ARID5B: variants seen among roughly 807,000 people sequenced by gnomAD.
The protein encoded by ARID5B is AT-rich interactive domain-containing protein 5B.
ARID5B carries 13 observed loss-of-function variants against 97.2 expected under a neutral mutation model. That is an observed-to-expected ratio of 0.13 (90% CI 0.09 to 0.21). The LOEUF (loss-of-function observed/expected upper bound fraction) is 0.21. Among genes scored for constraint, ARID5B ranks in the 10% least tolerant of loss-of-function variants. The pLI, the probability that ARID5B is intolerant of heterozygous loss-of-function variation, is 1.00. For missense variants in ARID5B, 1,210 were observed against 1,465.3 expected (o/e 0.83, Z 2.84); for synonymous variants, 556 against 570.3 (o/e 0.97, Z 0.36).
At chr10:61,905,816 G>A (rs1381459931) in intron 2 of ARID5B, among the ~76,000 whole-genome samples, 1 of 152,070 alleles carries the variant, frequency 6.6e-6, no homozygotes, top group Non-Finnish European at 1.5e-5. Context: ...TCTAATCAGT[G>A]GTATATAATG....
In ARID5B at chr10:61,980,645, G is replaced by A. The variant is rs142736409; in HGVS notation, c.503-19446G>A. On this transcript the variant is annotated intron_variant, in intron 3 of 9. Transcript: ENST00000279873. ...TAGCTGCTGATCTCATAAATTCATC[G>A]AGCTTCCTGGTTCCAAAGCCCTCTC... Among the ~76,000 whole-genome samples, 7 of 152,150 alleles carry A rather than the reference G, an allele frequency of 4.6e-5. No homozygotes were observed. In the East Asian group the frequency reaches 7.7e-4, roughly 17 times the overall value.
At chr10:61,910,654 G>A (rs571463320) in intron 2 of ARID5B, among the ~76,000 whole-genome samples, 2 of 152,262 alleles carry the variant, frequency 1.3e-5, no homozygotes, top group Admixed American at 6.5e-5. Flanking sequence ...CATCAGTATC[G>A]ACAACACATT....
chr10:61,977,700 G>A lies in ARID5B; in HGVS notation c.503-22391G>A, dbSNP rs187710867. Among the ~76,000 whole-genome samples, 1,161 of 152,158 alleles carry A rather than the reference G, an allele frequency of 7.6e-3. 15 individuals carry two copies. Among genetic ancestry groups the A allele is most frequent in the Admixed American group, 0.012 (187 of 15,286 alleles). On this transcript the variant is annotated intron_variant, in intron 3 of 9. Coordinates refer to ENST00000279873, the MANE Select transcript of ARID5B (RefSeq NM_032199.3). ...CATATCCTTTGCCCACTTTTTGATG[G>A]GGTTGTTTGTTTTTTTCCTTGTAAA... is the stretch of plus-strand genomic sequence containing the variant.
rs1301012968 is a variant in ARID5B at position 61,902,505 on chromosome 10, C to T, written c.276+92C>T. The T allele has an allele frequency of 9.3e-6, 14 of 1,504,602 alleles. No homozygotes were observed. The Admixed American group carries it at 2.9e-4, about 32-fold the overall frequency. The allele number at this position is 1,504,602 out of a possible 1,614,324, so 93.2% of individuals were successfully genotyped here. ...GGCAAGCTTGAAAATACTGTATTCA[C>T]TTCTGCAGGCAAGCAGGATCGACTC... On this transcript the variant is annotated intron_variant, in intron 2 of 9. Transcript: ENST00000279873.
chr10:61,911,649 G>A (rs574687929), intron 2 of ARID5B, among the ~76,000 whole-genome samples: 2 of 152,082 alleles, frequency 1.3e-5, no homozygotes, highest in Non-Finnish European at 2.9e-5. Context: ...CTGCACGAGC[G>A]GCACCCAGTT....
rs191618448 is a variant in ARID5B, at chr10:61,957,301, C to G, written c.502+16893C>G. 1.0e-3 allele frequency among the ~76,000 whole-genome samples: 153 copies of G among 152,234 alleles called. 1 individual carries two copies. The highest frequency in any genetic ancestry group is 3.3e-3 in the African/African-American group (138 of 41,526). On this transcript the variant is annotated intron_variant, in intron 3 of 9. Coordinates refer to ENST00000279873, the MANE Select transcript of ARID5B (RefSeq NM_032199.3). ...TTGTTGTTGTTGAGACGGAGTTTCT[C>G]TCTGTCGCCCAGGCTGGAGTGCAGT...
At chr10:61,976,402 GGTAAA>G (rs1446887793) in intron 3 of ARID5B, among the ~76,000 whole-genome samples, 4 of 152,156 alleles carry the variant, frequency 2.6e-5, no homozygotes, top group African/African-American at 7.2e-5. Context: ...CAGTTTGGAA[GGTAAA>G]GTGGGGTATT....
intron 8 of ARID5B, among the ~76,000 whole-genome samples, chr10:62,081,138 T>A (rs1035417237): frequency 6.6e-6 from 1 of 152,216 alleles, no homozygotes; most frequent in African/African-American, 2.4e-5. Flanking sequence ...GCACCAATGT[T>A]ATTTCCCTCT....
intron 2 of ARID5B, among the ~76,000 whole-genome samples, chr10:61,920,820 A>G (rs1024261750): frequency 7.2e-5 from 11 of 152,202 alleles, no homozygotes; most frequent in Admixed American, 1.3e-4. Context: ...GGATGAATAA[A>G]ATCAGCTTCT....
intron 7 of ARID5B, among the ~76,000 whole-genome samples, chr10:62,059,563 C>A (rs1839897270): frequency 6.6e-6 from 1 of 152,114 alleles, no homozygotes; most frequent in African/African-American, 2.4e-5. Context: ...TAATTTTTTC[C>A]CATGTTGAGA....
At chr10:62,031,489 G>T (rs1407362496) in intron 4 of ARID5B, among the ~76,000 whole-genome samples, 1 of 152,192 alleles carries the variant, frequency 6.6e-6, no homozygotes, top group Non-Finnish European at 1.5e-5. Context: ...TTGGGATTTT[G>T]CAGCTTTTGG....
intron 4 of ARID5B, among the ~76,000 whole-genome samples, chr10:62,008,107 T>G (rs950427444): frequency 8.8e-6 from 1 of 113,248 alleles, no homozygotes; most frequent in Admixed American, 1.3e-4. Flanking sequence ...CACTGCCACA[T>G]AAGCTCTTTG....
chr10:62,080,559 T>G (rs1717791460), intron 8 of ARID5B, among the ~76,000 whole-genome samples: 1 of 152,246 alleles, frequency 6.6e-6, no homozygotes, highest in Non-Finnish European at 1.5e-5. Flanking sequence ...GTACCTCATC[T>G]TCAGAAAGGA....
Position 62,018,194 on chromosome 10 carries a change from G to T in ARID5B, c.733+17873G>T, listed in dbSNP as rs533722272. 3.3e-4 allele frequency among the ~76,000 whole-genome samples: 50 copies of T among 152,248 alleles called. No individual in the cohort carries two copies. In the South Asian group the frequency reaches 9.3e-3, roughly 28 times the overall value. ...AGATTATCTAAGTCCCTGACTTCCT[G>T]GGCAGACCTCCTCTCCCTTCGTTTG... On this transcript the variant is annotated intron_variant, in intron 4 of 9. Transcript: ENST00000279873.
rs1292619066 is a variant in ARID5B, at chr10:62,092,685, C to T, written c.3222C>T (p.Ser1074=). Residue 1074 remains serine (S), a synonymous_variant, in exon 10 of 10, where the codon TCC becomes TCT. Coordinates refer to ENST00000279873, the MANE Select transcript of ARID5B (RefSeq NM_032199.3). ...CAGAAGGCCACAAGCTTCCCCTCTC[C>T]TCCCCTATCTTCCCAGGTCTGTATT... ...GGSEGHKLPL[S]SPIFPGLYSG... is the part of the protein sequence containing the mutation. 7.4e-6 allele frequency: 12 copies of T among 1,613,960 alleles called. No individual in the cohort carries two copies. Among genetic ancestry groups the T allele is most frequent in the Non-Finnish European group, 1.0e-5 (12 of 1,179,998 alleles).
chr10:61,925,183 C>T (rs114644689), intron 2 of ARID5B, among the ~76,000 whole-genome samples: 4,868 of 151,576 alleles, frequency 0.032, 115 homozygotes, highest in African/African-American at 0.064. Flanking sequence ...CTAGCCTGGG[C>T]GACAGAGACT....
chr10:61,929,507 G>A (rs1844167462), intron 2 of ARID5B, among the ~76,000 whole-genome samples: 1 of 151,702 alleles, frequency 6.6e-6, no homozygotes, highest in African/African-American at 2.4e-5. Flanking sequence ...AAGGATATAG[G>A]TTCAGCTGTG....
chr10:62,033,030 A>T (rs1173314867), intron 4 of ARID5B, among the ~76,000 whole-genome samples: 1 of 152,196 alleles, frequency 6.6e-6, no homozygotes, highest in East Asian at 1.9e-4. Context: ...CTATACTGGG[A>T]ACCCTACGAC....
At chr10:61,951,236 G>A (rs758454326) in intron 3 of ARID5B, among the ~76,000 whole-genome samples, 4 of 152,160 alleles carry the variant, frequency 2.6e-5, no homozygotes, top group Non-Finnish European at 5.9e-5. Context: ...CAAAGACTTC[G>A]TGAAGTGCTT....
Sources: gnomAD v4.1 joint callset for allele counts (sites outside exome capture counted in the v4.1 genomes callset) on GRCh38, gnomAD v4.1.1 for gene constraint, MANE v1.5 for transcripts, NCBI Gene and HGNC (gene_info 2026-07-23, HGNC 2026-07-21) for gene names.